The following AATK variants were observed in gnomAD, a reference collection of about 807,000 sequenced individuals.
AATK encodes lemur tail kinase 1, also known as serine/threonine-protein kinase LMTK1.
A neutral mutation model predicts 114.3 loss-of-function variants in AATK; 91 were observed. The observed-to-expected ratio is 0.80, with a 90% CI of 0.67 to 0.95. The LOEUF is 0.95. Among genes scored for constraint, AATK ranks in the 40% least tolerant of loss-of-function variants. The pLI, the probability that AATK is intolerant of heterozygous loss-of-function variation, is 0.00. For synonymous variants in AATK, 1,075 were observed against 916.5 expected (o/e 1.17, Z -3.12); for missense variants, 2,176 against 1,965.2 (o/e 1.11, Z -2.03).
At chr17:81,148,064 CAAAAAAAAAAAA>C (rs35731140) in intron 1 of AATK, among the ~76,000 whole-genome samples, 44,127 of 102,904 alleles carry the variant, frequency 0.43, 7,268 homozygotes, top group Middle Eastern at 0.47. Flanking sequence ...ACAACTTTGT[CAAAAAAAAAAAA>C]AAAAAAAAAA....
intron 1 of AATK, among the ~76,000 whole-genome samples, chr17:81,142,976 G>T (rs2061160370): frequency 6.6e-6 from 1 of 152,252 alleles, no homozygotes; most frequent in South Asian, 2.1e-4. Flanking sequence ...GAACAGGGAG[G>T]CCAGCTCCAG....
chr17:81,121,869 G>T lies in AATK; in HGVS notation c.2067C>A (p.Gly689=). The T allele has an allele frequency of 6.3e-7, 1 of 1,598,194 alleles. No individual in the cohort carries two copies. Among genetic ancestry groups the T allele is most frequent in the East Asian group, 2.2e-5 (1 of 44,748 alleles). Residue 689 remains glycine (G), a synonymous_variant, in exon 11 of 14, where the codon GGC becomes GGA. Transcript: ENST00000326724. ...RSNVSANNNS[G]SRCPESWDPV... ...GGTCCCAGGACTCTGGACAGCGGCT[G>T]CCGCTGTTGTTGTTGGCTGACACGT... is the stretch of plus-strand genomic sequence containing the variant.
intron 10 of AATK, 38 bp downstream of exon 10, chr17:81,123,156 C>T (rs772304503): frequency 1.2e-5 from 17 of 1,402,740 alleles, no homozygotes; most frequent in Middle Eastern, 2.0e-4. Context: ...TACCCCATCT[C>T]GGCCTGGCTG....
At position 81,120,415 on chromosome 17, in the gene AATK, T is replaced by C. The variant is rs1038339963; in HGVS notation, c.3521A>G (p.Glu1174Gly). Residue 1174 changes from glutamate to glycine, a missense_variant, in exon 11 of 14, where the codon GAG becomes GGG. Coordinates refer to ENST00000326724, the MANE Select transcript of AATK (RefSeq NM_001080395.3). ...CTCCTGGACGCTGTAGCAGCGGAGC[T>C]CCTCGTCAGACTCGTCGCTGTCCTC... ...DSEDSDESDEELRCYSVQEPS... is the reference protein window; with the variant it reads ...DSEDSDESDEGLRCYSVQEPS... 6.3e-7 allele frequency: 1 copy of C among 1,590,874 alleles called. No homozygotes were observed. The highest frequency in any genetic ancestry group is 1.7e-5 in the Admixed American group (1 of 58,566).
intron 1 of AATK, among the ~76,000 whole-genome samples, chr17:81,146,188 TAAAAAAAA>T (rs34197372): frequency 8.0e-6 from 1 of 124,654 alleles, no homozygotes; most frequent in Non-Finnish European, 1.7e-5. Flanking sequence ...GACTCCATAT[TAAAAAAAA>T]AAAAAAAAGA....
chr17:81,133,381 T>A, intron 2 of AATK: 1 of 337,172 alleles, frequency 3.0e-6, no homozygotes, highest in Non-Finnish European at 5.9e-6. Context: ...TGGGACTGTC[T>A]CCCAAATGGG....
chr17:81,118,935 G>C (rs879590035), intron 13 of AATK, among the ~76,000 whole-genome samples: 8 of 152,214 alleles, frequency 5.3e-5, no homozygotes, highest in Non-Finnish European at 1.2e-4. Flanking sequence ...CCCAGCCTGG[G>C]GTGGGGCGGA....
intron 6 of AATK, 127 bp downstream of exon 6, chr17:81,127,456 G>A (rs2060858416): frequency 3.3e-6 from 3 of 914,322 alleles, no homozygotes; most frequent in African/African-American, 1.6e-5. Flanking sequence ...GTGGGGGCAG[G>A]GTCCCTGGGT....
chr17:81,120,372 T>G lies in AATK; in HGVS notation c.3564A>C (p.Glu1188Asp). The change falls in exon 11 of 14, where the codon GAA becomes GAC. Residue 1188 changes from glutamate to aspartate, a missense_variant. Around this residue, in one of 4 missense-constraint regions of AATK, gnomAD observed 1,701 missense variants for 1,394.7 expected, o/e 1.22. Coordinates refer to ENST00000326724, the MANE Select transcript of AATK (RefSeq NM_001080395.3). ...YSVQEPSEDS[E>D]EEAPAVPVVV... is the part of the protein sequence containing the mutation. ...CCACGGGCACCGCCGGCGCCTCCTC[T>G]TCGCTGTCCTCGCTAGGCTCCTGGA... The G allele has an allele frequency of 1.2e-6, 2 of 1,609,018 alleles. No individual in the cohort carries two copies. Among genetic ancestry groups the G allele is most frequent in the Non-Finnish European group, 1.7e-6 (2 of 1,178,382 alleles).
chr17:81,151,097 A>T (rs1309015512), intron 1 of AATK, among the ~76,000 whole-genome samples: 1 of 152,196 alleles, frequency 6.6e-6, no homozygotes, highest in African/African-American at 2.4e-5. Flanking sequence ...AACCACTGTG[A>T]GGCAGACAGA....
In AATK at chr17:81,122,577, G is replaced by T; in HGVS notation, c.1359C>A (p.Phe453Leu). 4.1e-6 allele frequency: 6 copies of T among 1,458,626 alleles called. No individual in the cohort carries two copies. Among genetic ancestry groups the T allele is most frequent in the Non-Finnish European group, 5.5e-6 (6 of 1,098,318 alleles). 90.4% of individuals were successfully genotyped at this position (1,458,626 alleles called of 1,614,324 possible). A position where few individuals can be genotyped will look rare whatever the true frequency, so the allele number is the denominator to read the frequency against. ...AASSFPLLEQFAGDGFHADGD... is the reference protein window; with the variant it reads ...AASSFPLLEQLAGDGFHADGD... ...CGTCCGCGTGGAAGCCGTCGCCCGC[G>T]AACTGCTCCAGCAGCGGGAAGGACG... Residue 453 changes from phenylalanine to leucine, a missense_variant, in exon 11 of 14, where the codon TTC becomes TTA. Phe to Leu is a conservative substitution (Grantham distance 22). Transcript: ENST00000326724.
intron 2 of AATK, among the ~76,000 whole-genome samples, chr17:81,134,011 C>A (rs925462704): frequency 5.3e-5 from 8 of 152,142 alleles, no homozygotes; most frequent in African/African-American, 1.7e-4. Flanking sequence ...CACCAGGAGT[C>A]GGGCCTCTAG....
At chr17:81,138,912 TAG>T (rs1215745509) in intron 1 of AATK, among the ~76,000 whole-genome samples, 3 of 148,060 alleles carry the variant, frequency 2.0e-5, no homozygotes, top group African/African-American at 7.6e-5. Context: ...CACACATGCG[TAG>T]ACAGATACCA....
rs774041351 is a variant in AATK, at chr17:81,122,580, C to T, written c.1356G>A (p.Gln452=). The change falls in exon 11 of 14, where the codon CAG becomes CAA. Residue 452 remains glutamine, a synonymous_variant. Coordinates refer to ENST00000326724, the MANE Select transcript of AATK (RefSeq NM_001080395.3). ...AAASSFPLLE[Q]FAGDGFHADG... ...CCGCGTGGAAGCCGTCGCCCGCGAA[C>T]TGCTCCAGCAGCGGGAAGGACGAGG... 16 of 1,456,422 alleles carry T rather than the reference C, an allele frequency of 1.1e-5. No individual in the cohort carries two copies. The highest frequency in any genetic ancestry group is 1.5e-5 in the Non-Finnish European group (16 of 1,096,954). The allele number at this position is 1,456,422 out of a possible 1,614,324, so 90.2% of individuals were successfully genotyped here.
intron 1 of AATK, among the ~76,000 whole-genome samples, chr17:81,160,951 C>T (rs906187): frequency 0.29 from 44,238 of 152,186 alleles, 7,621 homozygotes; most frequent in East Asian, 0.4. Flanking sequence ...GGATGCCACG[C>T]AGCTGTGGCC....
chr17:81,123,092 C>T, intron 10 of AATK, 102 bp downstream of exon 10: 1 of 1,286,626 alleles, frequency 7.8e-7, no homozygotes, highest in Non-Finnish European at 1.0e-6. Context: ...GGAGACCAGG[C>T]AGGGCTGGAA....
chr17:81,125,210 C>T, intron 7 of AATK, 196 bp from the exon 8 acceptor site: 1 of 673,758 alleles, frequency 1.5e-6, no homozygotes, highest in East Asian at 2.6e-5. Flanking sequence ...TGCCCAGGGC[C>T]CTACTCTGTG....
chr17:81,140,538 G>C (rs1370566665), intron 1 of AATK, among the ~76,000 whole-genome samples: 1 of 152,002 alleles, frequency 6.6e-6, no homozygotes, highest in Non-Finnish European at 1.5e-5. Flanking sequence ...GACGTGAGGC[G>C]GGGCCATTAG....
intron 12 of AATK, 103 bp from the exon 13 acceptor site, chr17:81,119,683 G>A (rs1436904043): frequency 7.4e-6 from 6 of 809,476 alleles, no homozygotes; most frequent in African/African-American, 5.9e-5. Flanking sequence ...ATCATGTCAC[G>A]GGCCCAGGCC....
Sources: gnomAD v4.1 joint callset for allele counts (sites outside exome capture counted in the v4.1 genomes callset) on GRCh38, gnomAD v4.1.1 for gene constraint, gnomAD v4.1.1 regional missense constraint, MANE v1.5 for transcripts, NCBI Gene and HGNC (gene_info 2026-07-23, HGNC 2026-07-21) for gene names.